The following DNAH7 variants were observed in gnomAD, a reference collection of about 807,000 sequenced individuals.
DNAH7 encodes the protein dynein axonemal heavy chain 7, also known as axonemal beta dynein heavy chain 7.
In DNAH7, 397 loss-of-function variants were observed where a neutral mutation model predicts 444.6. The ratio of observed to expected loss-of-function variants is 0.89; its 90% CI spans 0.82 to 0.97. The LOEUF (loss-of-function observed/expected upper bound fraction) is 0.97, where lower values mean the gene tolerates loss of function less well. Among genes scored for constraint, DNAH7 ranks in the 50% least tolerant of loss-of-function variants. The pLI is 0.00. For missense variants in DNAH7, 4,902 were observed against 4,800.8 expected, an observed-to-expected ratio of 1.02 and a Z score of -0.62; for synonymous variants, 1,636 against 1,624.4, an observed-to-expected ratio of 1.01 and a Z score of -0.17.
intron 64 of DNAH7, among the ~76,000 whole-genome samples, chr2:195,739,560 G>A (rs555291726): frequency 1.3e-5 from 2 of 152,248 alleles, no homozygotes; most frequent in East Asian, 1.9e-4. Flanking sequence ...AGGAAATGTG[G>A]CTTTTTAAAT....
At chr2:195,906,048 T>C (rs1254361925) in intron 27 of DNAH7, among the ~76,000 whole-genome samples, 1 of 152,084 alleles carries the variant, frequency 6.6e-6, no homozygotes, top group Non-Finnish European at 1.5e-5. Context: ...GGAATTATGC[T>C]TATAAAGATG....
chr2:195,995,418 A>AT, intron 12 of DNAH7: 1 of 459,266 alleles, frequency 2.2e-6, no homozygotes. Flanking sequence ...TCTGAGGGAG[A>AT]TTTTTGGAGT....
chr2:195,941,919 CTTAG>C (rs1689478194), intron 19 of DNAH7, among the ~76,000 whole-genome samples: 1 of 152,098 alleles, frequency 6.6e-6, no homozygotes, highest in African/African-American at 2.4e-5. Flanking sequence ...AACTCAGAAT[CTTAG>C]AATTAACAAT....
At chr2:195,876,759 A>G in intron 36 of DNAH7, 60 bp from the exon 37 acceptor site, 1 of 1,196,028 alleles carries the variant, frequency 8.4e-7, no homozygotes, top group Non-Finnish European at 1.2e-6. Flanking sequence ...ATTTCAGAAT[A>G]AACACTAAGC....
intron 46 of DNAH7, among the ~76,000 whole-genome samples, chr2:195,848,598 G>A (rs963184710): frequency 6.6e-6 from 1 of 152,250 alleles, no homozygotes; most frequent in Non-Finnish European, 1.5e-5. Flanking sequence ...AACTCTGTTA[G>A]TTATAGCTCC....
chr2:195,796,507 C>T (rs369162292), intron 56 of DNAH7, 69 bp downstream of exon 56: 15 of 1,544,932 alleles, frequency 9.7e-6, no homozygotes, highest in Admixed American at 8.8e-5. Context: ...TGGAGCTACC[C>T]GAATGTTATG....
chr2:196,039,376 G>C (rs1696587795), intron 5 of DNAH7, among the ~76,000 whole-genome samples: 1 of 152,038 alleles, frequency 6.6e-6, no homozygotes, highest in Non-Finnish European at 1.5e-5. Context: ...GAAGTTTATA[G>C]TAAGAAACCC....
intron 19 of DNAH7, among the ~76,000 whole-genome samples, chr2:195,946,107 G>A (rs115747368): frequency 1.5e-3 from 221 of 152,208 alleles, no homozygotes; most frequent in African/African-American, 5.1e-3. Flanking sequence ...GGGAGAAGAT[G>A]GTGTGGTGGA....
chr2:196,014,498 T>G (rs541293308), intron 9 of DNAH7, among the ~76,000 whole-genome samples: 43 of 152,214 alleles, frequency 2.8e-4, no homozygotes, highest in African/African-American at 9.4e-4. Flanking sequence ...GACCCATCTA[T>G]TGGTCACATA....
At chr2:195,753,229 T>C (rs1693889587) in intron 63 of DNAH7, among the ~76,000 whole-genome samples, 1 of 151,956 alleles carries the variant, frequency 6.6e-6, no homozygotes, top group Non-Finnish European at 1.5e-5. Flanking sequence ...GGCTTTTTTT[T>C]TTCATGAAGG....
At position 195,777,895 on chromosome 2, in the gene DNAH7, T is replaced by A. The variant is rs765109138; in HGVS notation, c.10969A>T (p.Ser3657Cys). ...GGATTGAAGAATTTGTTTAGAATGC[T>A]GCGCAGCGTGCGCCGGTCCCAGTCA... is the stretch of plus-strand genomic sequence containing the variant. Reference protein sequence around the residue: ...TDDWDRRTLRSILNKFFNPEL... With the variant: ...TDDWDRRTLRCILNKFFNPEL... The change falls in exon 59 of 65, where the codon AGC becomes TGC. Residue 3657 changes from serine to cysteine, a missense_variant. By Grantham distance (112) the Ser-to-Cys change is moderately radical. Transcript: ENST00000312428. The A allele has an allele frequency of 5.0e-6, 8 of 1,614,108 alleles. No homozygotes were observed. The highest frequency in any genetic ancestry group is 6.8e-6 in the Non-Finnish European group (8 of 1,180,020).
At chr2:196,056,574 C>G (rs1344361162) in intron 2 of DNAH7, among the ~76,000 whole-genome samples, 1 of 152,136 alleles carries the variant, frequency 6.6e-6, no homozygotes, top group East Asian at 1.9e-4. Context: ...AACAATCTTT[C>G]ACCAATACAG....
At chr2:195,968,936 AG>A (rs1691660554) in intron 17 of DNAH7, among the ~76,000 whole-genome samples, 1 of 152,176 alleles carries the variant, frequency 6.6e-6, no homozygotes, top group African/African-American at 2.4e-5. Context: ...AAAGTCCCCC[AG>A]TCACTACGCT....
chr2:195,855,012 C>G (rs1699610573), intron 45 of DNAH7, among the ~76,000 whole-genome samples: 1 of 152,126 alleles, frequency 6.6e-6, no homozygotes, highest in Non-Finnish European at 1.5e-5. Flanking sequence ...TGGAATCAGG[C>G]TGCCTGGGTT....
chr2:196,064,359 A>AAAT (rs1321214073), intron 1 of DNAH7, among the ~76,000 whole-genome samples: 6 of 147,134 alleles, frequency 4.1e-5, no homozygotes, highest in African/African-American at 1.5e-4. Context: ...AATAAATAAT[A>AAAT]AATAAATAAT....
chr2:195,950,868 A>AAAAAC (rs1690194960), intron 19 of DNAH7, among the ~76,000 whole-genome samples: 1 of 138,152 alleles, frequency 7.2e-6, no homozygotes, highest in African/African-American at 2.9e-5. Context: ...AAAAAAAAAA[A>AAAAAC]AAAAAAAAAA....
intron 5 of DNAH7, among the ~76,000 whole-genome samples, chr2:196,036,924 C>G (rs1322116324): frequency 1.3e-5 from 2 of 151,976 alleles, no homozygotes; most frequent in Non-Finnish European, 2.9e-5. Flanking sequence ...ACCAGTCCAC[C>G]CAGCCCACTG....
intron 64 of DNAH7, among the ~76,000 whole-genome samples, chr2:195,739,470 C>T (rs1692858276): frequency 6.6e-6 from 1 of 152,146 alleles, no homozygotes; most frequent in South Asian, 2.1e-4. Context: ...TTTCTTAAGC[C>T]ATTTTCTCAT....
chr2:196,065,074 T>C lies in DNAH7; in HGVS notation c.15+3623A>G, dbSNP rs16844459. ...TTGCCTAATTTACTATGATTCCTGATAGGTCTTGATATCTGTAGGGCAATT... is the reference window on the plus strand; with the variant it reads ...TTGCCTAATTTACTATGATTCCTGACAGGTCTTGATATCTGTAGGGCAATT... On this transcript the variant is annotated intron_variant, in intron 1 of 64. Coordinates refer to ENST00000312428, the MANE Select transcript of DNAH7 (RefSeq NM_018897.3). Among the ~76,000 whole-genome samples, 2,977 of 152,268 alleles carry C rather than the reference T, an allele frequency of 0.02. 248 individuals are homozygous for C. The East Asian group carries it at 0.27, about 14-fold the overall frequency.
Sources: allele counts gnomAD v4.1 joint callset (sites outside exome capture counted in the v4.1 genomes callset), GRCh38; gene constraint gnomAD v4.1.1; transcripts MANE v1.5; gene names NCBI Gene and HGNC (gene_info 2026-07-23, HGNC 2026-07-21).